The following FOXO1 variants were observed in gnomAD, a reference collection of about 807,000 sequenced individuals.
FOXO1 encodes forkhead box O1, also known as forkhead box protein O1.
In FOXO1, 6 loss-of-function variants were observed where a neutral mutation model predicts 44.1. That is an observed-to-expected ratio of 0.14 (90% CI 0.07 to 0.27). FOXO1 has a LOEUF of 0.27. FOXO1 is among the 10% of genes least tolerant of loss of function. The probability of loss-of-function intolerance (pLI) is 1.00; values close to 1 mark genes in which losing one functional copy is unlikely to be tolerated. For synonymous variants in FOXO1, 380 were observed against 362.7 expected (o/e 1.05, Z -0.54); for missense variants, 737 against 888.8 (o/e 0.83, Z 2.17).
chr13:40,559,801 C>T lies in FOXO1; in HGVS notation c.1690G>A (p.Val564Met), dbSNP rs1213757342. ...ATCTGCATGGGGTGGGGCAGAGGCA[C>T]TTGTACAGGTGTCTTCACTTGGGTC... is the stretch of plus-strand genomic sequence containing the variant. ...RLTQVKTPVQVPLPHPMQMSA... is the reference protein window; with the variant it reads ...RLTQVKTPVQMPLPHPMQMSA... Residue 564 changes from valine to methionine, a missense_variant, in exon 2 of 3, where the codon GTG becomes ATG. By Grantham distance (21) the Val-to-Met change is conservative. This residue lies in a region of FOXO1 where 283 missense variants were observed against 278.1 expected (regional missense o/e 1.02). Coordinates refer to ENST00000379561, the MANE Select transcript of FOXO1 (RefSeq NM_002015.4). The T allele has an allele frequency of 3.1e-6, 5 of 1,613,856 alleles. No homozygotes were observed. The highest frequency in any genetic ancestry group is 3.4e-6 in the Non-Finnish European group (4 of 1,179,932).
At chr13:40,600,334 T>C (rs896887295) in intron 1 of FOXO1, among the ~76,000 whole-genome samples, 2 of 152,146 alleles carry the variant, frequency 1.3e-5, no homozygotes, top group Non-Finnish European at 2.9e-5. Flanking sequence ...TGTGTCAAGG[T>C]GACAGGCTGA....
At chr13:40,660,788 A>G (rs944252071) in intron 1 of FOXO1, among the ~76,000 whole-genome samples, 30 of 152,212 alleles carry the variant, frequency 2.0e-4, no homozygotes, top group African/African-American at 7.2e-4. Flanking sequence ...TCACTTAAAA[A>G]AAACTAGTCC....
Position 40,558,942 on chromosome 13 carries a change from C to T in FOXO1, c.*107G>A. 1 of 394,934 alleles carries T rather than the reference C, an allele frequency of 2.5e-6. No individual in the cohort carries two copies. The highest frequency in any genetic ancestry group is 4.4e-6 in the Non-Finnish European group (1 of 225,150). 24.5% of individuals were successfully genotyped at this position (394,934 alleles called of 1,614,324 possible). ...TTTTTTTTTTGTTTTTTTTTTTAAC[C>T]AAGAAAACTAAAAGGGAGTTGGTGA... On this transcript the variant is annotated 3_prime_UTR_variant, in exon 3 of 3. Coordinates refer to ENST00000379561, the MANE Select transcript of FOXO1 (RefSeq NM_002015.4).
intron 1 of FOXO1, among the ~76,000 whole-genome samples, chr13:40,610,332 C>A (rs1876185420): frequency 6.6e-6 from 1 of 152,126 alleles, no homozygotes. Flanking sequence ...CATCTAAAAC[C>A]AGCAAGCAAT....
chr13:40,654,472 G>T (rs1018368006), intron 1 of FOXO1, among the ~76,000 whole-genome samples: 2 of 146,694 alleles, frequency 1.4e-5, no homozygotes, highest in African/African-American at 5.1e-5. Flanking sequence ...CTGCACTCCA[G>T]CCTGGGCGAC....
chr13:40,635,403 C>T (rs971073443), intron 1 of FOXO1, among the ~76,000 whole-genome samples: 9 of 152,080 alleles, frequency 5.9e-5, no homozygotes, highest in Non-Finnish European at 1.2e-4. Flanking sequence ...CACTTTAACC[C>T]ACGAAGGTTA....
chr13:40,607,108 C>T lies in FOXO1; in HGVS notation c.631-46248G>A, dbSNP rs150192180. On this transcript the variant is annotated intron_variant, in intron 1 of 2. Coordinates refer to ENST00000379561, the MANE Select transcript of FOXO1 (RefSeq NM_002015.4). ...CCCCACTCCTCAATCAAGACCAGAC[C>T]CAGGTTTCTTCCAAGTGAGATCTCC... is the stretch of plus-strand genomic sequence containing the variant. 9.3e-4 allele frequency among the ~76,000 whole-genome samples: 141 copies of T among 152,278 alleles called. 1 individual carries two copies. The Middle Eastern group carries it at 0.01, about 11-fold the overall frequency.
chr13:40,603,927 GCAGT>G (rs1419288842), intron 1 of FOXO1, among the ~76,000 whole-genome samples: 1 of 152,198 alleles, frequency 6.6e-6, no homozygotes, highest in Non-Finnish European at 1.5e-5. Flanking sequence ...CTTAGCTTTA[GCAGT>G]CAGAGTGCCA....
intron 1 of FOXO1, among the ~76,000 whole-genome samples, chr13:40,655,348 CAAAA>C (rs1170592440): frequency 5.3e-5 from 5 of 94,568 alleles, no homozygotes; most frequent in Admixed American, 1.1e-4. Flanking sequence ...GACCCCATCT[CAAAA>C]AAAAAAAAAA....
intron 1 of FOXO1, among the ~76,000 whole-genome samples, chr13:40,570,241 C>T (rs992213229): frequency 6.6e-6 from 1 of 151,446 alleles, no homozygotes; most frequent in African/African-American, 2.4e-5. Flanking sequence ...ACTCGGGAGG[C>T]GGAGGTTGCA....
intron 1 of FOXO1, among the ~76,000 whole-genome samples, chr13:40,646,990 C>G (rs1027910466): frequency 2.0e-5 from 3 of 152,194 alleles, no homozygotes; most frequent in Non-Finnish European, 4.4e-5. Flanking sequence ...CCAAAATATA[C>G]TTCCTTGGCA....
At chr13:40,633,334 T>C (rs1181220187) in intron 1 of FOXO1, among the ~76,000 whole-genome samples, 1 of 152,210 alleles carries the variant, frequency 6.6e-6, no homozygotes. Context: ...ACATTATTAA[T>C]AACAGCAATA....
chr13:40,651,874 A>T (rs1877699452), intron 1 of FOXO1, among the ~76,000 whole-genome samples: 1 of 152,186 alleles, frequency 6.6e-6, no homozygotes, highest in Non-Finnish European at 1.5e-5. Flanking sequence ...TGTAAATGTC[A>T]TAATGGGCCA....
At chr13:40,595,197 G>A (rs1187357684) in intron 1 of FOXO1, among the ~76,000 whole-genome samples, 4 of 152,164 alleles carry the variant, frequency 2.6e-5, no homozygotes, top group Non-Finnish European at 5.9e-5. Flanking sequence ...CAGCCCTGAT[G>A]CTAAACAGGT....
At chr13:40,608,941 C>G (rs1400013505) in intron 1 of FOXO1, among the ~76,000 whole-genome samples, 1 of 152,176 alleles carries the variant, frequency 6.6e-6, no homozygotes, top group Non-Finnish European at 1.5e-5. Flanking sequence ...TGTATCTTCA[C>G]TGCAGGTACT....
At chr13:40,620,850 G>A (rs560646817) in intron 1 of FOXO1, among the ~76,000 whole-genome samples, 5 of 143,088 alleles carry the variant, frequency 3.5e-5, no homozygotes, top group Non-Finnish European at 7.5e-5. Context: ...CCAGGCTGGA[G>A]TGCAGTGGTG....
chr13:40,566,114 C>T (rs1874259267), intron 1 of FOXO1, among the ~76,000 whole-genome samples: 1 of 152,184 alleles, frequency 6.6e-6, no homozygotes, highest in African/African-American at 2.4e-5. Context: ...GGGCCAGGGG[C>T]CTCCGAGCTC....
At chr13:40,615,080 T>G (rs73465296) in intron 1 of FOXO1, among the ~76,000 whole-genome samples, 1 of 152,124 alleles carries the variant, frequency 6.6e-6, no homozygotes, top group Non-Finnish European at 1.5e-5. Context: ...GTAGATAAAA[T>G]GCACATTCAT....
At chr13:40,641,077 C>T (rs1877335199) in intron 1 of FOXO1, among the ~76,000 whole-genome samples, 1 of 152,166 alleles carries the variant, frequency 6.6e-6, no homozygotes, top group Non-Finnish European at 1.5e-5. Flanking sequence ...AGCCATCGTG[C>T]CCGGCCAGTG....
Sources: gnomAD v4.1 joint callset for allele counts (sites outside exome capture counted in the v4.1 genomes callset) on GRCh38, gnomAD v4.1.1 for gene constraint, gnomAD v4.1.1 regional missense constraint, MANE v1.5 for transcripts, NCBI Gene and HGNC (gene_info 2026-07-23, HGNC 2026-07-21) for gene names.